CRYBG3: variants seen among roughly 807,000 people sequenced by gnomAD.
CRYBG3 encodes the protein crystallin beta-gamma domain containing 3.
CRYBG3 carries 127 observed loss-of-function variants against 244.2 expected under a neutral mutation model. The ratio of observed to expected loss-of-function variants is 0.52; its 90% confidence interval spans 0.45 to 0.60. The LOEUF (loss-of-function observed/expected upper bound fraction) is 0.60, where lower values mean the gene tolerates loss of function less well. Ranked by LOEUF, CRYBG3 falls within the 20% of genes least tolerant of loss-of-function variation. CRYBG3 has a pLI of 0.00. For missense variants in CRYBG3, 3,325 were observed against 3,442.5 expected (o/e 0.97, Z 0.85); for synonymous variants, 1,132 against 1,195.8 (o/e 0.95, Z 1.10).
intron 2 of CRYBG3, among the ~76,000 whole-genome samples, chr3:97,844,601 C>T (rs193085860): frequency 6.6e-6 from 1 of 152,234 alleles, no homozygotes; most frequent in East Asian, 1.9e-4. Context: ...TGCTTCTTTC[C>T]CCATTTAGCC....
In CRYBG3 at chr3:97,876,097, G is replaced by C; in HGVS notation, c.4903G>C (p.Glu1635Gln). 2 of 1,232,074 alleles carry C rather than the reference G, an allele frequency of 1.6e-6. No individual in the cohort carries two copies. Among genetic ancestry groups the C allele is most frequent in the Non-Finnish European group, 2.0e-6 (2 of 987,916 alleles). 76.3% of individuals were successfully genotyped at this position (1,232,074 alleles called of 1,614,324 possible). Residue 1635 changes from glutamate (E) to glutamine (Q), a missense_variant, in exon 4 of 22, where the codon GAG becomes CAG. Physicochemically the swap from Glu to Gln is conservative, Grantham distance 29. Transcript: ENST00000389622. ...TACTGAAGGGGATATTGGCAAAATT[G>C]AGGTGATACCTATGATGCCAGAAGT... Reference protein sequence around the residue: ...KDTEGDIGKIEVIPMMPEVKN... With the variant: ...KDTEGDIGKIQVIPMMPEVKN...
intron 3 of CRYBG3, among the ~76,000 whole-genome samples, chr3:97,868,283 CAA>C (rs11429773): frequency 1.3e-4 from 15 of 117,000 alleles, no homozygotes; most frequent in African/African-American, 1.4e-4. Context: ...GACTCCATCT[CAA>C]AAAAAAAAAA....
At chr3:97,926,990 C>T (rs887786051) in intron 17 of CRYBG3, among the ~76,000 whole-genome samples, 2 of 152,016 alleles carry the variant, frequency 1.3e-5, no homozygotes, top group African/African-American at 4.8e-5. Flanking sequence ...GGCCATACTG[C>T]CCGAAGCTAT....
At chr3:97,905,884 C>T (rs574884024) in intron 15 of CRYBG3, among the ~76,000 whole-genome samples, 121 of 137,684 alleles carry the variant, frequency 8.8e-4, no homozygotes, top group African/African-American at 2.7e-3. Flanking sequence ...TTAGGTCTAA[C>T]GTTTAAGTCT....
intron 17 of CRYBG3, among the ~76,000 whole-genome samples, chr3:97,925,200 A>T (rs890286983): frequency 6.6e-6 from 1 of 152,080 alleles, no homozygotes; most frequent in African/African-American, 2.4e-5. Context: ...CCAACAGAGG[A>T]TATAAATAGG....
At position 97,838,210 on chromosome 3, in the gene CRYBG3, C is replaced by T. The variant is rs112010643; in HGVS notation, c.150-4985C>T. Among the ~76,000 whole-genome samples the T allele has an allele frequency of 8.5e-5, 13 of 152,178 alleles. 1 individual carries two copies. Among genetic ancestry groups the T allele is most frequent in the African/African-American group, 2.9e-4 (12 of 41,542 alleles). ...TTAGGGCAACACCTCTTTTCTGGAT[C>T]GAGAAGCTTTGCTGAACGGCAGTGT... On this transcript the variant is annotated intron_variant, in intron 1 of 21. Transcript: ENST00000389622.
chr3:97,896,936 A>G (rs2039646731), intron 12 of CRYBG3, among the ~76,000 whole-genome samples: 1 of 152,152 alleles, frequency 6.6e-6, no homozygotes, highest in Admixed American at 6.5e-5. Flanking sequence ...GGAAAGATGA[A>G]TCTAAAGTGA....
intron 1 of CRYBG3, 86 bp downstream of exon 1, chr3:97,822,441 CTCTTGGGCCAGGCTGCAGT>C: frequency 1.6e-6 from 2 of 1,274,234 alleles, no homozygotes; most frequent in Non-Finnish European, 2.1e-6. Context: ...CAGCGGGCCG[CTCTTGGGCCAGGCTGCAGT>C]TCGCTCGCCA....
rs1202200788 is a variant in CRYBG3, at chr3:97,843,196, G to A, written c.151G>A (p.Val51Ile). The A allele has an allele frequency of 6.0e-6, 9 of 1,510,372 alleles. No homozygotes were observed. The highest frequency in any genetic ancestry group is 7.9e-6 in the Non-Finnish European group (9 of 1,132,860). The allele number at this position is 1,510,372 out of a possible 1,614,324, so 93.6% of individuals were successfully genotyped here. The change falls in exon 2 of 22, where the codon GTT becomes ATT. Residue 51 changes from valine to isoleucine, a missense_variant and splice_region_variant. By Grantham distance (29) the Val-to-Ile change is conservative (BLOSUM62 3). This residue lies in a region of CRYBG3 where 1,526 missense variants were observed against 1,443.2 expected (regional missense o/e 1.06). Coordinates refer to ENST00000389622, the MANE Select transcript of CRYBG3 (RefSeq NM_153605.4). ...GAAACTGTGGTTTTTATTTTTCAGT[G>A]TTGAAAATGAGCCCATGAGCACAAG... ...PPAPGRSAASVENEPMSTSQK... is the reference protein window; with the variant it reads ...PPAPGRSAASIENEPMSTSQK...
intron 10 of CRYBG3, among the ~76,000 whole-genome samples, chr3:97,890,984 A>G (rs1374576490): frequency 6.6e-6 from 1 of 152,194 alleles, no homozygotes; most frequent in Non-Finnish European, 1.5e-5. Context: ...TGAATCAAAT[A>G]TCCAATCTTT....
Position 97,943,317 on chromosome 3 carries a change from G to GA in CRYBG3, c.*5dup, listed in dbSNP as rs771696061. 284 of 1,499,894 alleles carry GA rather than the reference G, an allele frequency of 1.9e-4. No homozygotes were observed. The highest frequency in any genetic ancestry group is 2.6e-4 in the Non-Finnish European group (278 of 1,078,798). The allele number at this position is 1,499,894 out of a possible 1,614,324, so 92.9% of individuals were successfully genotyped here. A position where few individuals can be genotyped will look rare whatever the true frequency, so the allele number is the denominator to read the frequency against. ...AATGGGACATTGAAATATTGTGAGA[G>GA]AATCAACATCCCTAGAAAGATCCCT... On this transcript the variant is annotated 3_prime_UTR_variant, in exon 22 of 22. Coordinates refer to ENST00000389622, the MANE Select transcript of CRYBG3 (RefSeq NM_153605.4).
intron 2 of CRYBG3, among the ~76,000 whole-genome samples, chr3:97,851,456 G>C (rs1398120374): frequency 6.6e-6 from 1 of 152,214 alleles, no homozygotes; most frequent in African/African-American, 2.4e-5. Flanking sequence ...GCAGACATAT[G>C]ATATTAGGGA....
intron 20 of CRYBG3, 79 bp downstream of exon 20, chr3:97,941,385 T>C (rs2040228667): frequency 1.9e-6 from 2 of 1,054,806 alleles, no homozygotes; most frequent in Admixed American, 5.2e-5. Context: ...TCAAATCAAC[T>C]GGCATGATAA....
chr3:97,845,504 A>G lies in CRYBG3; in HGVS notation c.216+2243A>G, dbSNP rs570129474. On this transcript the variant is annotated intron_variant, in intron 2 of 21. Transcript: ENST00000389622. Reference sequence around the variant, plus strand: ...TGTATTTTATGTTAATAAGGTTTTTATATCTAGCTGGAGATGCTTCCGGAA... The same window carrying G: ...TGTATTTTATGTTAATAAGGTTTTTGTATCTAGCTGGAGATGCTTCCGGAA... Among the ~76,000 whole-genome samples, 6 of 152,306 alleles carry G rather than the reference A, an allele frequency of 3.9e-5. No individual in the cohort carries two copies. In the South Asian group the frequency reaches 1.2e-3, roughly 32 times the overall value.
chr3:97,915,397 A>G (rs1325218972), intron 16 of CRYBG3, among the ~76,000 whole-genome samples: 1 of 152,144 alleles, frequency 6.6e-6, no homozygotes, highest in African/African-American at 2.4e-5. Context: ...GAAATAGTAT[A>G]TGTAAAGTGC....
At position 97,822,102 on chromosome 3, in the gene CRYBG3, G is replaced by C; in HGVS notation, c.-105G>C. On this transcript the variant is annotated 5_prime_UTR_variant, in exon 1 of 22. Transcript: ENST00000389622. ...CCGCGCTGGCAGCTCGCGTCGAGTCGGTCTGCCCTAGCCGCATCCCGCGGC... is the reference window on the plus strand; with the variant it reads ...CCGCGCTGGCAGCTCGCGTCGAGTCCGTCTGCCCTAGCCGCATCCCGCGGC... 3 of 1,000,200 alleles carry C rather than the reference G, an allele frequency of 3.0e-6. No homozygotes were observed. The highest frequency in any genetic ancestry group is 5.7e-5 in the South Asian group (2 of 35,302). The allele number at this position is 1,000,200 out of a possible 1,614,324, so 62.0% of individuals were successfully genotyped here.
At chr3:97,864,068 G>C in intron 2 of CRYBG3, 149 bp from the exon 3 acceptor site, 1 of 640,506 alleles carries the variant, frequency 1.6e-6, no homozygotes, top group Non-Finnish European at 2.6e-6. Flanking sequence ...CTCTTCAGTA[G>C]ATTGTGAACT....
chr3:97,930,604 A>G (rs1206217758), intron 17 of CRYBG3, among the ~76,000 whole-genome samples: 1 of 152,020 alleles, frequency 6.6e-6, no homozygotes, highest in Non-Finnish European at 1.5e-5. Context: ...CACTGCACAC[A>G]GCAATTGTTA....
chr3:97,845,900 T>A (rs897277511), intron 2 of CRYBG3, among the ~76,000 whole-genome samples: 7 of 149,482 alleles, frequency 4.7e-5, no homozygotes, highest in African/African-American at 1.8e-4. Context: ...TACTCCTACC[T>A]TTTACCTCAA....
Sources: allele counts gnomAD v4.1 joint callset (sites outside exome capture counted in the v4.1 genomes callset), GRCh38; gene constraint gnomAD v4.1.1; regional missense constraint gnomAD v4.1.1; transcripts MANE v1.5; gene names NCBI Gene and HGNC (gene_info 2026-07-23, HGNC 2026-07-21).